EYS: variants seen among roughly 807,000 people sequenced by gnomAD.
EYS encodes the protein EGF-like photoreceptor maintenance factor.
In EYS, 250 loss-of-function variants were observed where a neutral mutation model predicts 282.1. The observed-to-expected ratio is 0.89, with a 90% CI of 0.80 to 0.98. The LOEUF is 0.98. Among genes scored for constraint, EYS ranks in the 50% least tolerant of loss-of-function variants. EYS has a pLI of 0.00. For missense variants in EYS, 4,016 were observed against 3,709.0 expected (o/e 1.08, Z -2.15); for synonymous variants, 1,355 against 1,282.9 (o/e 1.06, Z -1.20).
At chr6:65,095,188 T>C (rs565478386) in intron 12 of EYS, among the ~76,000 whole-genome samples, 1 of 151,226 alleles carries the variant, frequency 6.6e-6, no homozygotes, top group East Asian at 1.9e-4. Context: ...ATTCAATCAG[T>C]AATCAAAAAT....
At chr6:64,899,238 G>T (rs1767572155) in intron 18 of EYS, among the ~76,000 whole-genome samples, 1 of 151,926 alleles carries the variant, frequency 6.6e-6, no homozygotes, top group Non-Finnish European at 1.5e-5. Context: ...GCAAAAGAAT[G>T]GAAATCATAA....
At chr6:64,628,538 A>G (rs1562099699) in intron 22 of EYS, among the ~76,000 whole-genome samples, 1 of 152,120 alleles carries the variant, frequency 6.6e-6, no homozygotes, top group Admixed American at 6.5e-5. Flanking sequence ...CCTCCCACAT[A>G]GGACTACAGG....
chr6:65,068,819 T>C (rs1484752787), intron 12 of EYS, among the ~76,000 whole-genome samples: 3 of 152,094 alleles, frequency 2.0e-5, no homozygotes, highest in Non-Finnish European at 4.4e-5. Context: ...TTGCTTATGT[T>C]CAACTCTACT....
chr6:64,193,860 A>T (rs1169555573), intron 31 of EYS, among the ~76,000 whole-genome samples: 2 of 152,248 alleles, frequency 1.3e-5, no homozygotes. Context: ...GTAGTATTCC[A>T]TGGTGTATAT....
intron 12 of EYS, among the ~76,000 whole-genome samples, chr6:65,225,177 A>G (rs1316237203): frequency 6.6e-6 from 1 of 151,536 alleles, no homozygotes; most frequent in Non-Finnish European, 1.5e-5. Context: ...CAATATATGT[A>G]TAATATATAG....
At chr6:64,165,169 CAATA>C (rs1393380579) in intron 31 of EYS, among the ~76,000 whole-genome samples, 2 of 151,932 alleles carry the variant, frequency 1.3e-5, no homozygotes, top group African/African-American at 2.4e-5. Flanking sequence ...AATTATACCT[CAATA>C]AATCTGTTAA....
In EYS at chr6:64,092,260, T is replaced by G. The variant is rs568060546; in HGVS notation, c.6425-10258A>C. Among the ~76,000 whole-genome samples, 12 of 152,362 alleles carry G rather than the reference T, an allele frequency of 7.9e-5. No homozygotes were observed. The East Asian group carries it at 1.7e-3, about 22-fold the overall frequency. ...AGCATGATTTATAATCCTTTGGGTA[T>G]ATACCCAGTAATGGGATGGGTGGGT... On this transcript the variant is annotated intron_variant, in intron 31 of 42. Transcript: ENST00000503581.
intron 31 of EYS, among the ~76,000 whole-genome samples, chr6:64,150,543 C>T (rs1357178118): frequency 6.6e-6 from 1 of 151,966 alleles, no homozygotes; most frequent in Non-Finnish European, 1.5e-5. Context: ...AATAAAATGT[C>T]TAAAGGTATT....
chr6:65,211,605 T>C (rs965499416), intron 12 of EYS, among the ~76,000 whole-genome samples: 2 of 152,024 alleles, frequency 1.3e-5, no homozygotes, highest in Non-Finnish European at 2.9e-5. Flanking sequence ...CCAAATATTC[T>C]TGCATCTATC....
chr6:64,895,133 T>C (rs560153684), intron 18 of EYS, among the ~76,000 whole-genome samples: 15 of 152,034 alleles, frequency 9.9e-5, no homozygotes, highest in Non-Finnish European at 2.1e-4. Flanking sequence ...CCTCACCAGA[T>C]TGGACAATGC....
At chr6:64,729,763 C>T (rs1452553760) in intron 22 of EYS, among the ~76,000 whole-genome samples, 1 of 151,820 alleles carries the variant, frequency 6.6e-6, no homozygotes, top group Non-Finnish European at 1.5e-5. Context: ...TTTTTTTTTA[C>T]ACAATGTTAT....
intron 13 of EYS, among the ~76,000 whole-genome samples, chr6:65,002,407 C>T (rs9363316): frequency 0.37 from 54,689 of 146,466 alleles, 13,709 homozygotes; most frequent in African/African-American, 0.5. Flanking sequence ...CTGTTTTGCT[C>T]AGCTGGCACA....
At chr6:65,049,462 A>G (rs1773201351) in intron 13 of EYS, among the ~76,000 whole-genome samples, 1 of 151,824 alleles carries the variant, frequency 6.6e-6, no homozygotes, top group Non-Finnish European at 1.5e-5. Flanking sequence ...CATTTTTCAC[A>G]TGCTGGGAAA....
At chr6:63,975,310 C>G (rs773598278) in intron 35 of EYS, among the ~76,000 whole-genome samples, 4 of 151,968 alleles carry the variant, frequency 2.6e-5, no homozygotes, top group Non-Finnish European at 5.9e-5. Context: ...GATCATTACA[C>G]TGCTTAACAC....
intron 33 of EYS, among the ~76,000 whole-genome samples, chr6:64,025,233 G>A (rs1292914829): frequency 6.6e-6 from 1 of 152,140 alleles, no homozygotes; most frequent in Admixed American, 6.5e-5. Context: ...ACTCTTTGGA[G>A]TTGGGACCGT....
chr6:65,406,181 C>G (rs1766731164), intron 5 of EYS, among the ~76,000 whole-genome samples: 1 of 152,054 alleles, frequency 6.6e-6, no homozygotes, highest in Non-Finnish European at 1.5e-5. Flanking sequence ...TTATTTTTAG[C>G]ATCTTCTGGT....
At chr6:63,970,029 G>A (rs950400863) in intron 35 of EYS, among the ~76,000 whole-genome samples, 38 of 152,092 alleles carry the variant, frequency 2.5e-4, no homozygotes, top group African/African-American at 4.6e-4. Flanking sequence ...CCAGACCCCC[G>A]CTACGAGTGG....
At chr6:65,432,346 A>G (rs1007679182) in intron 5 of EYS, among the ~76,000 whole-genome samples, 2 of 152,174 alleles carry the variant, frequency 1.3e-5, no homozygotes, top group Admixed American at 1.3e-4. Context: ...CTGGTGGGAG[A>G]ACACAGAAAA....
chr6:63,962,545 C>A (rs980600978), intron 35 of EYS, among the ~76,000 whole-genome samples: 1 of 152,158 alleles, frequency 6.6e-6, no homozygotes, highest in Non-Finnish European at 1.5e-5. Context: ...AAATGCAAAT[C>A]AAAACCACAG....
Sources: gnomAD v4.1 joint callset for allele counts (sites outside exome capture counted in the v4.1 genomes callset) on GRCh38, gnomAD v4.1.1 for gene constraint, MANE v1.5 for transcripts, NCBI Gene and HGNC (gene_info 2026-07-23, HGNC 2026-07-21) for gene names.